The following BACH2 variants were observed in gnomAD, a reference collection of about 807,000 sequenced individuals.
The protein encoded by BACH2 is BACH transcriptional regulator 2.
BACH2 carries 5 observed loss-of-function variants against 61.8 expected under a neutral mutation model. The ratio of observed to expected loss-of-function variants is 0.08; its 90% CI spans 0.04 to 0.17. BACH2 has a LOEUF of 0.17. Ranked by LOEUF, BACH2 falls within the 10% of genes least tolerant of loss-of-function variation. The pLI is 1.00. For missense variants in BACH2, 824 were observed against 1,091.1 expected, an observed-to-expected ratio of 0.76 and a Z score of 3.45; for synonymous variants, 446 against 440.1, an observed-to-expected ratio of 1.01 and a Z score of -0.17.
intron 3 of BACH2, among the ~76,000 whole-genome samples, chr6:90,222,520 A>G (rs1411640048): frequency 1.3e-5 from 2 of 152,198 alleles, no homozygotes; most frequent in African/African-American, 2.4e-5. Context: ...CATTTTTTTC[A>G]TGCTGAAATT....
intron 8 of BACH2, among the ~76,000 whole-genome samples, chr6:89,937,833 C>T (rs1773117917): frequency 6.6e-6 from 1 of 152,182 alleles, no homozygotes; most frequent in Non-Finnish European, 1.5e-5. Context: ...ATCTGGCCAA[C>T]ATCAGTTATT....
chr6:90,222,390 G>A (rs1257316181), intron 3 of BACH2, among the ~76,000 whole-genome samples: 1 of 152,184 alleles, frequency 6.6e-6, no homozygotes. Context: ...AGAAGAACAA[G>A]GCTCAGAGCA....
At chr6:90,085,748 C>G (rs1781907694) in intron 5 of BACH2, among the ~76,000 whole-genome samples, 1 of 152,162 alleles carries the variant, frequency 6.6e-6, no homozygotes, top group Non-Finnish European at 1.5e-5. Flanking sequence ...CCCTCACAAA[C>G]TGCAGCATCC....
intron 6 of BACH2, among the ~76,000 whole-genome samples, chr6:89,982,921 T>C (rs1189321438): frequency 6.6e-6 from 1 of 152,200 alleles, no homozygotes; most frequent in Non-Finnish European, 1.5e-5. Context: ...GCAGAATGTT[T>C]TTCATTTTGA....
chr6:90,260,686 C>A (rs565622685), intron 2 of BACH2, among the ~76,000 whole-genome samples: 155 of 152,280 alleles, frequency 1.0e-3, no homozygotes, highest in African/African-American at 3.6e-3. Context: ...ATACACATTT[C>A]GACCAAATTC....
chr6:90,239,825 AC>A lies in BACH2; in HGVS notation c.-275+12687del, dbSNP rs1562521501. Among the ~76,000 whole-genome samples, 14 of 149,752 alleles carry A rather than the reference AC, an allele frequency of 9.3e-5. No individual in the cohort carries two copies. In the East Asian group the frequency reaches 2.7e-3, roughly 29 times the overall value. On this transcript the variant is annotated intron_variant, in intron 3 of 8. Coordinates refer to ENST00000257749, the MANE Select transcript of BACH2 (RefSeq NM_021813.4). ...CACACACACACACACACACACACAC[AC>A]ACACACACACACACACACGCTGACT... is the stretch of plus-strand genomic sequence containing the variant.
intron 4 of BACH2, chr6:90,104,356 G>C (rs1243674035): frequency 1.3e-5 from 2 of 152,252 alleles, no homozygotes; most frequent in African/African-American, 2.4e-5. Context: ...GGCTGCTCCT[G>C]CTGTGCCCAG....
intron 5 of BACH2, among the ~76,000 whole-genome samples, chr6:90,065,838 G>A (rs1780936526): frequency 6.6e-6 from 1 of 152,188 alleles, no homozygotes; most frequent in African/African-American, 2.4e-5. Flanking sequence ...CACGACACGT[G>A]TGGGAAACAT....
chr6:90,036,184 C>G (rs1779254248), intron 5 of BACH2, among the ~76,000 whole-genome samples: 1 of 150,588 alleles, frequency 6.6e-6, no homozygotes, highest in African/African-American at 2.4e-5. Context: ...GGGCTACATG[C>G]AGGCAGTTGG....
At chr6:90,218,989 T>C (rs185480882) in intron 3 of BACH2, among the ~76,000 whole-genome samples, 49 of 138,548 alleles carry the variant, frequency 3.5e-4, no homozygotes, top group African/African-American at 1.3e-3. Flanking sequence ...GCAAGAGAGA[T>C]TGAGAGAGTG....
chr6:90,196,005 T>C (rs1768745578), intron 4 of BACH2, among the ~76,000 whole-genome samples: 2 of 152,172 alleles, frequency 1.3e-5, no homozygotes, highest in African/African-American at 4.8e-5. Context: ...GTTAGATAGG[T>C]AGAACAATCC....
At chr6:90,257,480 A>G (rs1167924624) in intron 2 of BACH2, among the ~76,000 whole-genome samples, 1 of 152,142 alleles carries the variant, frequency 6.6e-6, no homozygotes, top group African/African-American at 2.4e-5. Context: ...GATGTTGTGT[A>G]CCCTTTCATA....
chr6:90,267,930 T>G (rs1325006827), intron 2 of BACH2, among the ~76,000 whole-genome samples: 1 of 152,060 alleles, frequency 6.6e-6, no homozygotes, highest in Admixed American at 6.6e-5. Context: ...CTAAATATTA[T>G]TTTATGCATT....
At chr6:89,991,509 T>C (rs1318451705) in intron 6 of BACH2, among the ~76,000 whole-genome samples, 2 of 152,192 alleles carry the variant, frequency 1.3e-5, no homozygotes, top group Admixed American at 6.5e-5. Context: ...GCATATGTTT[T>C]CCCAGAACCA....
chr6:89,953,733 C>G (rs1374244898), intron 6 of BACH2, among the ~76,000 whole-genome samples: 1 of 152,190 alleles, frequency 6.6e-6, no homozygotes, highest in Admixed American at 6.5e-5. Flanking sequence ...TAACATACTA[C>G]TACTGTGTAT....
intron 4 of BACH2, among the ~76,000 whole-genome samples, chr6:90,162,573 T>C (rs1767441470): frequency 6.6e-6 from 1 of 152,158 alleles, no homozygotes; most frequent in Middle Eastern, 3.4e-3. Context: ...GCTCAGGAGG[T>C]TGGGGCTGCC....
At chr6:90,048,925 T>G (rs1779910979) in intron 5 of BACH2, among the ~76,000 whole-genome samples, 1 of 152,196 alleles carries the variant, frequency 6.6e-6, no homozygotes, top group South Asian at 2.1e-4. Context: ...CAGATACTTT[T>G]TCTGTAAAAA....
At chr6:90,249,455 C>T (rs551025627) in intron 3 of BACH2, among the ~76,000 whole-genome samples, 12 of 152,270 alleles carry the variant, frequency 7.9e-5, no homozygotes, top group African/African-American at 2.6e-4. Context: ...AAATAAAATG[C>T]TATTGGAGCA....
At chr6:90,216,458 C>T (rs148795628) in intron 3 of BACH2, among the ~76,000 whole-genome samples, 121 of 152,232 alleles carry the variant, frequency 7.9e-4, no homozygotes, top group Non-Finnish European at 1.4e-3. Context: ...CGACTTCCCT[C>T]GGCTCAGACG....
Sources: allele counts gnomAD v4.1 joint callset (sites outside exome capture counted in the v4.1 genomes callset), GRCh38; gene constraint gnomAD v4.1.1; transcripts MANE v1.5; gene names NCBI Gene and HGNC (gene_info 2026-07-23, HGNC 2026-07-21).